CNIH3: variants seen among roughly 807,000 people sequenced by gnomAD.
CNIH3 encodes the protein cornichon family AMPA receptor auxiliary protein 3, also known as protein cornichon homolog 3.
CNIH3 carries 14 observed loss-of-function variants against 24.1 expected under a neutral mutation model. That is an observed-to-expected ratio of 0.58 (90% CI 0.38 to 0.91). The LOEUF is 0.91. Among genes scored for constraint, CNIH3 ranks in the 40% least tolerant of loss-of-function variants. CNIH3 has a pLI of 0.00. For synonymous variants in CNIH3, 68 were observed against 73.8 expected (o/e 0.92, Z 0.40); for missense variants, 178 against 196.8 (o/e 0.90, Z 0.57).
intron 1 of CNIH3, among the ~76,000 whole-genome samples, chr1:224,679,776 C>T (rs1363212167): frequency 6.6e-6 from 1 of 152,178 alleles, no homozygotes; most frequent in Non-Finnish European, 1.5e-5. Context: ...TACTGTCAGC[C>T]CCATGTTGCT....
intron 1 of CNIH3, among the ~76,000 whole-genome samples, chr1:224,457,700 C>T (rs1233856295): frequency 6.6e-6 from 1 of 152,116 alleles, no homozygotes; most frequent in East Asian, 1.9e-4. Context: ...CTGTTGATAA[C>T]TCTGACACCT....
downstream of CNIH3, among the ~76,000 whole-genome samples, chr1:224,539,192 G>A (rs1051440655): frequency 2.6e-5 from 4 of 152,052 alleles, no homozygotes; most frequent in Admixed American, 1.3e-4. Context: ...TCCTCTTGCC[G>A]TATTTACTTA....
chr1:224,621,229 G>A (rs1227921941), intron 1 of CNIH3, among the ~76,000 whole-genome samples: 1 of 152,226 alleles, frequency 6.6e-6, no homozygotes, highest in Non-Finnish European at 1.5e-5. Context: ...AAATGGCCCT[G>A]GACAGGGATG....
At chr1:224,644,065 A>G (rs1474671480) in intron 1 of CNIH3, among the ~76,000 whole-genome samples, 1 of 152,204 alleles carries the variant, frequency 6.6e-6, no homozygotes, top group African/African-American at 2.4e-5. Context: ...TGAAAGCTTC[A>G]TGAAGTCAGG....
chr1:224,675,161 G>A (rs1030250614), intron 1 of CNIH3, among the ~76,000 whole-genome samples: 5 of 152,158 alleles, frequency 3.3e-5, no homozygotes, highest in Non-Finnish European at 7.4e-5. Flanking sequence ...TGCCTGATGA[G>A]GGAGGGTGAA....
rs1675808403 is a variant in CNIH3, at chr1:224,459,309, G to A, written n.203+24447G>A. The stretch of plus-strand genomic sequence containing the variant: ...AGAGCTGCCAAAACAGTTCCTGACT[G>A]TTTATTCCGGGTCTTTAACAAAGTG... On this transcript the variant is annotated intron_variant and non_coding_transcript_variant, in intron 1 of 5. Transcript: ENST00000471578. 6 of 713,130 alleles carry A rather than the reference G, an allele frequency of 8.4e-6. No homozygotes were observed. In the South Asian group the frequency reaches 3.2e-4, roughly 38 times the overall value. 44.2% of individuals were successfully genotyped at this position (713,130 alleles called of 1,614,324 possible).
intron 4 of CNIH3, among the ~76,000 whole-genome samples, chr1:224,732,352 G>A (rs1258141820): frequency 6.6e-6 from 1 of 152,170 alleles, no homozygotes; most frequent in Non-Finnish European, 1.5e-5. Context: ...CAGATTTAGG[G>A]AGGAAGGAAA....
chr1:224,602,908 G>A (rs74149615), intron 3 of CNIH3, among the ~76,000 whole-genome samples: 3,534 of 152,272 alleles, frequency 0.023, 149 homozygotes, highest in African/African-American at 0.08. Context: ...TCTACAAACC[G>A]AAAAGTATCT....
At chr1:224,621,147 A>G (rs189288434) in intron 1 of CNIH3, among the ~76,000 whole-genome samples, 1 of 152,340 alleles carries the variant, frequency 6.6e-6, no homozygotes, top group East Asian at 1.9e-4. Flanking sequence ...AAAATTCCCT[A>G]GAAAGATCTG....
At chr1:224,586,516 G>A (rs1291941188) in intron 5 of CNIH3, among the ~76,000 whole-genome samples, 2 of 152,108 alleles carry the variant, frequency 1.3e-5, no homozygotes, top group African/African-American at 2.4e-5. Context: ...TGAGATTTGG[G>A]TGGGGACACA....
chr1:224,458,372 C>T lies in CNIH3; in HGVS notation n.203+23510C>T, dbSNP rs1279461859. Among the ~76,000 whole-genome samples, 2 of 152,230 alleles carry T rather than the reference C, an allele frequency of 1.3e-5. No individual in the cohort carries two copies. The highest frequency in any genetic ancestry group is 3.8e-4 in the East Asian group (2 of 5,206). On this transcript the variant is annotated intron_variant and non_coding_transcript_variant, in intron 1 of 5. Coordinates refer to the CNIH3 transcript ENST00000471578. The surrounding 1 kb of genome is among the most constrained non-coding windows in gnomAD (Gnocchi z 4.3). The stretch of plus-strand genomic sequence containing the variant: ...CAAAGTTATGCTTAGCAGAGGGGCT[C>T]TGGCTCACTCCCCGTCCCTCATCCT...
intron 1 of CNIH3, among the ~76,000 whole-genome samples, chr1:224,473,361 T>C (rs1325342716): frequency 6.6e-6 from 1 of 151,896 alleles, no homozygotes; most frequent in African/African-American, 2.4e-5. Flanking sequence ...TCGACTACAC[T>C]CAACAATCAA....
chr1:224,489,816 G>T (rs922115772), intron 1 of CNIH3, among the ~76,000 whole-genome samples: 1 of 152,190 alleles, frequency 6.6e-6, no homozygotes, highest in Admixed American at 6.5e-5. Context: ...TTGGTGTCTT[G>T]TGAGAGCCTG....
chr1:224,460,496 T>C lies in CNIH3; in HGVS notation n.203+25634T>C, dbSNP rs570541581. On this transcript the variant is annotated intron_variant and non_coding_transcript_variant, in intron 1 of 5. Transcript: ENST00000471578. ...AATCATAGAGTACGTGCTCTTCTTT[T>C]GTCTGTCTTCTTTCACGCAGCATAA... is the stretch of plus-strand genomic sequence containing the variant. 6.6e-5 allele frequency among the ~76,000 whole-genome samples: 10 copies of C among 152,364 alleles called. No homozygotes were observed. The South Asian group carries it at 1.0e-3, about 16-fold the overall frequency.
rs116703572 is a variant in CNIH3 at position 224,639,573 on chromosome 1, A to G, written c.81+22318A>G. ...ACATGTTTGGTTCCCTGTAGAAACT[A>G]AAGATAACATCTTAACATATGTCCC... On this transcript the variant is annotated intron_variant, in intron 1 of 5. Coordinates refer to ENST00000272133, the MANE Select transcript of CNIH3 (RefSeq NM_152495.2). 5.9e-3 allele frequency among the ~76,000 whole-genome samples: 900 copies of G among 152,360 alleles called. 15 individuals are homozygous for G. Among genetic ancestry groups the G allele is most frequent in the African/African-American group, 0.02 (848 of 41,584 alleles).
chr1:224,663,393 A>G (rs1470841625), intron 1 of CNIH3, among the ~76,000 whole-genome samples: 2 of 152,120 alleles, frequency 1.3e-5, no homozygotes, highest in African/African-American at 2.4e-5. Flanking sequence ...ACACAATCCA[A>G]CTGCAGCAGT....
chr1:224,556,185 T>TA (rs1196755998), intron 3 of CNIH3, among the ~76,000 whole-genome samples: 4 of 152,160 alleles, frequency 2.6e-5, no homozygotes, highest in Admixed American at 2.6e-4. Flanking sequence ...TATCTTTTTT[T>TA]TTTTTTTTAT....
chr1:224,670,286 C>T (rs942766285), intron 1 of CNIH3, among the ~76,000 whole-genome samples: 2 of 152,176 alleles, frequency 1.3e-5, no homozygotes, highest in Non-Finnish European at 2.9e-5. Flanking sequence ...AAGATGGTGG[C>T]ATGGGAAGAT....
chr1:224,483,759 T>C lies in CNIH3; in HGVS notation n.204-31982T>C, dbSNP rs557910052. Among the ~76,000 whole-genome samples, 3 of 152,200 alleles carry C rather than the reference T, an allele frequency of 2.0e-5. No homozygotes were observed. In the East Asian group the frequency reaches 5.8e-4, roughly 29 times the overall value. ...ATAGTTGTTAAATTTGGTGTTCCTG[T>C]GGGGGATGACAATCAGTAAACGCTT... On this transcript the variant is annotated intron_variant and non_coding_transcript_variant, in intron 1 of 5. Transcript: ENST00000471578.
Sources: gnomAD v4.1 joint callset for allele counts (sites outside exome capture counted in the v4.1 genomes callset) on GRCh38, gnomAD v4.1.1 for gene constraint, Gnocchi (gnomAD v3.1) non-coding constraint, MANE v1.5 for transcripts, NCBI Gene and HGNC (gene_info 2026-07-23, HGNC 2026-07-21) for gene names.